RNF216: variants seen among roughly 807,000 people sequenced by gnomAD.
The protein encoded by RNF216 is E3 ubiquitin-protein ligase RNF216.
A neutral mutation model predicts 110.8 loss-of-function variants in RNF216; 72 were observed. That is an observed-to-expected ratio of 0.65 (90% CI 0.54 to 0.79). The LOEUF is 0.79. RNF216 is among the 30% of genes least tolerant of loss of function. The pLI is 0.00. For synonymous variants in RNF216, 495 were observed against 407.5 expected, an observed-to-expected ratio of 1.21 and a Z score of -2.59; for missense variants, 1,342 against 1,141.2, an observed-to-expected ratio of 1.18 and a Z score of -2.54.
chr7:5,650,291 G>C (rs1284040459), intron 14 of RNF216, among the ~76,000 whole-genome samples: 2 of 152,178 alleles, frequency 1.3e-5, no homozygotes, highest in Non-Finnish European at 2.9e-5. Flanking sequence ...TGATCTAAAA[G>C]GCTGCCAGGT....
intron 13 of RNF216, among the ~76,000 whole-genome samples, chr7:5,688,388 C>A (rs1791117227): frequency 6.6e-6 from 1 of 152,184 alleles, no homozygotes; most frequent in African/African-American, 2.4e-5. Context: ...CCCAGCTACA[C>A]CTCTTTTCTA....
intron 3 of RNF216, among the ~76,000 whole-genome samples, chr7:5,744,799 C>T (rs1254517720): frequency 1.3e-5 from 2 of 151,904 alleles, no homozygotes; most frequent in African/African-American, 4.8e-5. Flanking sequence ...ATGGTGAAAC[C>T]CCATCTCTAC....
At chr7:5,707,485 G>T (rs890446172) in intron 13 of RNF216, among the ~76,000 whole-genome samples, 1 of 152,026 alleles carries the variant, frequency 6.6e-6, no homozygotes, top group African/African-American at 2.4e-5. Context: ...TTTGTATCCT[G>T]CACCTTTACT....
intron 14 of RNF216, among the ~76,000 whole-genome samples, chr7:5,650,841 C>T (rs527550533): frequency 3.0e-4 from 45 of 152,160 alleles, no homozygotes; most frequent in Admixed American, 6.5e-4. Flanking sequence ...GGGCCTCAGC[C>T]GCCTCATCTG....
At chr7:5,724,029 A>T (rs549038918) in intron 8 of RNF216, among the ~76,000 whole-genome samples, 11 of 152,320 alleles carry the variant, frequency 7.2e-5, no homozygotes, top group African/African-American at 2.6e-4. Context: ...TAAAACAAGA[A>T]ACTGAATCAA....
chr7:5,772,365 CA>C (rs1446298567), intron 1 of RNF216, among the ~76,000 whole-genome samples: 1 of 152,070 alleles, frequency 6.6e-6, no homozygotes, highest in Non-Finnish European at 1.5e-5. Flanking sequence ...ACAACAGTTA[CA>C]AAAAAACTAG....
chr7:5,633,771 C>T (rs1474985669), intron 15 of RNF216, among the ~76,000 whole-genome samples: 1 of 152,094 alleles, frequency 6.6e-6, no homozygotes, highest in Non-Finnish European at 1.5e-5. Context: ...GCAGCAAGAG[C>T]TTGTGGGGAT....
chr7:5,694,023 C>T (rs897750432), intron 13 of RNF216, among the ~76,000 whole-genome samples: 4 of 152,102 alleles, frequency 2.6e-5, no homozygotes, highest in African/African-American at 9.7e-5. Context: ...CACAGTGAGA[C>T]GAATGCTCCC....
intron 1 of RNF216, among the ~76,000 whole-genome samples, chr7:5,773,814 G>A (rs1014915548): frequency 2.3e-4 from 35 of 152,252 alleles, no homozygotes; most frequent in African/African-American, 7.5e-4. Context: ...TGATCTGCCT[G>A]CCTCAGCCTC....
intron 15 of RNF216, among the ~76,000 whole-genome samples, chr7:5,637,787 C>A (rs1478136134): frequency 6.6e-6 from 1 of 152,288 alleles, no homozygotes; most frequent in Non-Finnish European, 1.5e-5. Flanking sequence ...GAGATCTGCC[C>A]GCCTTGGGCT....
Position 5,712,746 on chromosome 7 carries a change from C to G in RNF216, c.1951G>C (p.Val651Leu). 6.2e-7 allele frequency: 1 copy of G among 1,614,082 alleles called. No homozygotes were observed. The highest frequency in any genetic ancestry group is 2.2e-5 in the East Asian group (1 of 44,870). The change falls in exon 12 of 17, where the codon GTT (valine) becomes CTT (leucine). Residue 651 changes from valine to leucine, a missense_variant. Physicochemically the swap from Val to Leu is conservative, Grantham distance 32. Transcript: ENST00000389902. Reference protein sequence around the residue: ...KYYERKAEEEVAAAYADELVR... With the variant: ...KYYERKAEEELAAAYADELVR... ...AGCTCGTCGGCGTAGGCTGCCGCAA[C>G]CTCCTCCTCGGCTTTTCGCTCATAG...
intron 13 of RNF216, among the ~76,000 whole-genome samples, chr7:5,670,230 G>T (rs373182101): frequency 1.3e-5 from 2 of 152,220 alleles, no homozygotes. Flanking sequence ...TACCGTGCCT[G>T]CCCTGGAAAT....
intron 13 of RNF216, among the ~76,000 whole-genome samples, chr7:5,669,990 G>C (rs896831186): frequency 4.0e-5 from 6 of 151,696 alleles, no homozygotes; most frequent in Non-Finnish European, 7.4e-5. Flanking sequence ...GCAGTGGCGC[G>C]ATCTTGGCTC....
At chr7:5,735,037 T>C (rs1020502225) in intron 5 of RNF216, among the ~76,000 whole-genome samples, 3 of 151,314 alleles carry the variant, frequency 2.0e-5, no homozygotes, top group Non-Finnish European at 2.9e-5. Context: ...TCCAAGCTAC[T>C]CAGGAGGCTG....
chr7:5,658,304 T>C (rs1350151888), intron 13 of RNF216, among the ~76,000 whole-genome samples: 1 of 152,174 alleles, frequency 6.6e-6, no homozygotes, highest in Non-Finnish European at 1.5e-5. Context: ...ATTCCAACAA[T>C]GAAACATAGT....
At chr7:5,652,791 T>TA (rs199685797) in intron 13 of RNF216, among the ~76,000 whole-genome samples, 4,484 of 151,636 alleles carry the variant, frequency 0.03, 113 homozygotes, top group African/African-American at 0.058. Context: ...CCCTGTCCCT[T>TA]AAAAAAAAGA....
At chr7:5,777,683 T>C (rs1796859713) in intron 1 of RNF216, 1 of 152,236 alleles carries the variant, frequency 6.6e-6, no homozygotes, top group African/African-American at 2.4e-5. Context: ...ACGAAAATTG[T>C]GTTAACTTTA....
intron 13 of RNF216, chr7:5,662,664 G>A (rs908911919): frequency 7.2e-5 from 11 of 152,346 alleles, no homozygotes; most frequent in Admixed American, 6.6e-4. Flanking sequence ...TTCCATCAGT[G>A]CCAGAGAGAG....
chr7:5,659,469 C>G (rs1401579677), intron 13 of RNF216, among the ~76,000 whole-genome samples: 1 of 152,104 alleles, frequency 6.6e-6, no homozygotes, highest in African/African-American at 2.4e-5. Context: ...GTCAGTATGG[C>G]TGGAGCCCAG....
Sources: allele counts gnomAD v4.1 joint callset (sites outside exome capture counted in the v4.1 genomes callset), GRCh38; gene constraint gnomAD v4.1.1; transcripts MANE v1.5; gene names NCBI Gene and HGNC (gene_info 2026-07-23, HGNC 2026-07-21).